DIP2B: variants seen among roughly 807,000 people sequenced by gnomAD.
The protein encoded by DIP2B is DIP2 acetate--CoA ligase B (putative), also known as disco-interacting protein 2 homolog B.
In DIP2B, 76 loss-of-function variants were observed where a neutral mutation model predicts 198.0. That is an observed-to-expected ratio of 0.38 (90% CI 0.32 to 0.46). The LOEUF is 0.46. DIP2B is among the 20% of genes least tolerant of loss of function. The pLI is 0.99. For synonymous variants in DIP2B, 701 were observed against 739.1 expected (o/e 0.95, Z 0.84); for missense variants, 1,559 against 1,978.4 (o/e 0.79, Z 4.02).
At position 50,729,865 on chromosome 12, in the gene DIP2B, G is replaced by A. The variant is rs374939548; in HGVS notation, c.3641+1187G>A. Among the ~76,000 whole-genome samples the A allele has an allele frequency of 7.2e-5, 11 of 151,842 alleles. No homozygotes were observed. The South Asian group carries it at 1.7e-3, about 23-fold the overall frequency. On this transcript the variant is annotated intron_variant, in intron 30 of 37. Coordinates refer to ENST00000301180, the MANE Select transcript of DIP2B (RefSeq NM_173602.3). ...CCATCTCAGCCTCCTGAGTAGCTGG[G>A]ACTACAGGTGCACACCACCACACCT... is the stretch of plus-strand genomic sequence containing the variant.
At chr12:50,644,314 G>T (rs1343766380) in intron 3 of DIP2B, among the ~76,000 whole-genome samples, 1 of 152,180 alleles carries the variant, frequency 6.6e-6, no homozygotes, top group Non-Finnish European at 1.5e-5. Flanking sequence ...GCCTGAGATG[G>T]AAAGTGATCT....
chr12:50,668,120 G>A (rs930002736), intron 4 of DIP2B, among the ~76,000 whole-genome samples: 2 of 152,040 alleles, frequency 1.3e-5, no homozygotes, highest in African/African-American at 2.4e-5. Flanking sequence ...TCTACCTGAC[G>A]CTGCACTCTC....
At chr12:50,528,278 C>G (rs780739801) in intron 1 of DIP2B, among the ~76,000 whole-genome samples, 4 of 150,654 alleles carry the variant, frequency 2.7e-5, no homozygotes, top group Non-Finnish European at 4.4e-5. Context: ...TGTCCTCATC[C>G]ATAAAATGAA....
chr12:50,529,950 T>G (rs1958201145), intron 1 of DIP2B, among the ~76,000 whole-genome samples: 1 of 152,208 alleles, frequency 6.6e-6, no homozygotes. Flanking sequence ...CACGGGAAAT[T>G]ATTGCTATAG....
chr12:50,571,355 A>G (rs945759756), intron 1 of DIP2B, among the ~76,000 whole-genome samples: 2 of 151,740 alleles, frequency 1.3e-5, no homozygotes, highest in African/African-American at 4.8e-5. Flanking sequence ...TATTTTTAGT[A>G]GAGATGGGGT....
At chr12:50,698,598 C>T (rs141089054) in intron 18 of DIP2B, 131 bp downstream of exon 18, 71 of 1,117,430 alleles carry the variant, frequency 6.4e-5, no homozygotes, top group Middle Eastern at 2.9e-4. Flanking sequence ...TTCTCAGAGC[C>T]TCTCTAATAG....
chr12:50,531,835 A>G (rs1205441597), intron 1 of DIP2B, among the ~76,000 whole-genome samples: 1 of 152,198 alleles, frequency 6.6e-6, no homozygotes, highest in African/African-American at 2.4e-5. Context: ...AGTTTTATTC[A>G]CTGCTTTATC....
intron 22 of DIP2B, among the ~76,000 whole-genome samples, chr12:50,712,005 T>C (rs1036811318): frequency 3.3e-5 from 5 of 151,918 alleles, no homozygotes; most frequent in African/African-American, 1.2e-4. Context: ...CTACAAAGAA[T>C]AAACAAATGA....
chr12:50,703,922 A>G (rs1309847611), intron 19 of DIP2B, among the ~76,000 whole-genome samples: 2 of 149,634 alleles, frequency 1.3e-5, no homozygotes, highest in African/African-American at 4.9e-5. Context: ...CATATTTTTT[A>G]TATGTTTTAT....
chr12:50,571,998 G>A (rs993117689), intron 1 of DIP2B, among the ~76,000 whole-genome samples: 21 of 152,214 alleles, frequency 1.4e-4, no homozygotes, highest in African/African-American at 5.1e-4. Flanking sequence ...GGATGCAGCT[G>A]TGTGACAGCA....
intron 3 of DIP2B, among the ~76,000 whole-genome samples, chr12:50,651,747 A>T (rs1033518225): frequency 4.3e-4 from 66 of 152,062 alleles, no homozygotes; most frequent in East Asian, 1.6e-3. Context: ...CATTTTTTTT[A>T]AAAATAGGGA....
At chr12:50,522,074 C>T (rs1958125374) in intron 1 of DIP2B, among the ~76,000 whole-genome samples, 1 of 152,002 alleles carries the variant, frequency 6.6e-6, no homozygotes, top group South Asian at 2.1e-4. Flanking sequence ...AATCTTGGCT[C>T]ACTGCAACCT....
intron 37 of DIP2B, among the ~76,000 whole-genome samples, chr12:50,744,383 T>C (rs1940311048): frequency 6.6e-6 from 1 of 151,504 alleles, no homozygotes; most frequent in African/African-American, 2.4e-5. Context: ...ATGTCTCTCA[T>C]ATATATATAT....
At position 50,747,546 on chromosome 12, in the gene DIP2B, T is replaced by C. The variant is rs1252896087; in HGVS notation, c.*2707T>C. ...TGGGATCACCTGCAGATTTAAAGCC[T>C]ACTCTGCCACAGACTCGAGTAAGAA... is the stretch of plus-strand genomic sequence containing the variant. On this transcript the variant is annotated 3_prime_UTR_variant, in exon 38 of 38. Transcript: ENST00000301180. 6.6e-6 allele frequency: 1 copy of C among 152,232 alleles called. No homozygotes were observed. Among genetic ancestry groups the C allele is most frequent in the Non-Finnish European group, 1.5e-5 (1 of 68,052 alleles). The allele number at this position is 152,232 out of a possible 1,614,324, so 9.4% of individuals were successfully genotyped here.
chr12:50,525,517 T>C (rs1301662795), intron 1 of DIP2B, among the ~76,000 whole-genome samples: 7 of 150,236 alleles, frequency 4.7e-5, no homozygotes, highest in African/African-American at 9.8e-5. Flanking sequence ...GGTCCCCTTT[T>C]TTTTTTTTTT....
chr12:50,715,450 A>G (rs1021515238), intron 23 of DIP2B, among the ~76,000 whole-genome samples: 5 of 152,170 alleles, frequency 3.3e-5, no homozygotes, highest in Non-Finnish European at 7.4e-5. Flanking sequence ...GGCAGAAGCA[A>G]CAAAGCAAGC....
intron 1 of DIP2B, among the ~76,000 whole-genome samples, chr12:50,540,629 A>G (rs932442536): frequency 3.3e-5 from 5 of 150,678 alleles, no homozygotes; most frequent in African/African-American, 1.2e-4. Context: ...GCTCACTGCA[A>G]GCTCCGCCTC....
At position 50,543,785 on chromosome 12, in the gene DIP2B, A is replaced by G. The variant is rs571786400; in HGVS notation, c.100+38545A>G. Among the ~76,000 whole-genome samples the G allele has an allele frequency of 4.6e-5, 7 of 151,864 alleles. No individual in the cohort carries two copies. The East Asian group carries it at 1.4e-3, about 30-fold the overall frequency. On this transcript the variant is annotated intron_variant, in intron 1 of 37. Coordinates refer to ENST00000301180, the MANE Select transcript of DIP2B (RefSeq NM_173602.3). ...CTAATAATACAAACATTAGCTGGGC[A>G]TAGTGGCACACGCCTGTAGTCCCAG...
At chr12:50,678,618 A>T in intron 7 of DIP2B, 61 bp from the exon 8 acceptor site, 1 of 1,517,528 alleles carries the variant, frequency 6.6e-7, no homozygotes, top group Non-Finnish European at 9.0e-7. Flanking sequence ...GAGATTAGAG[A>T]CCTAAGTTGT....
Sources: allele counts gnomAD v4.1 joint callset (sites outside exome capture counted in the v4.1 genomes callset), GRCh38; gene constraint gnomAD v4.1.1; transcripts MANE v1.5; gene names NCBI Gene and HGNC (gene_info 2026-07-23, HGNC 2026-07-21).